The following SLC35D4 variants were observed in gnomAD, a reference collection of about 807,000 sequenced individuals.
SLC35D4 encodes UDP-N-acetylglucosamine transporter SLC35D4.
At chr18:23,373,815 T>C in the SLC35D4 span, 2 of 1,595,130 alleles carry the variant, frequency 1.3e-6, no homozygotes, top group Non-Finnish European at 1.7e-6. Context: ...CATCAAAGGT[T>C]TCCCTAAGAG....
At chr18:23,404,992 CAAAAAAAAAAA>C in the SLC35D4 span, among the ~76,000 whole-genome samples, 3 of 44,498 alleles carry the variant, frequency 6.7e-5, no homozygotes, top group Non-Finnish European at 8.9e-5. Flanking sequence ...GACTCCGTCT[CAAAAAAAAAAA>C]AAAAAAAAAA....
At chr18:23,423,867 C>T in the SLC35D4 span, among the ~76,000 whole-genome samples, 5 of 152,242 alleles carry the variant, frequency 3.3e-5, no homozygotes, top group South Asian at 2.1e-4. Flanking sequence ...ACCCCAGCAC[C>T]GGAGCACTGG....
chr18:23,371,373 G>A, the SLC35D4 span: 1 of 1,443,358 alleles, frequency 6.9e-7, no homozygotes, highest in Admixed American at 2.4e-5. Flanking sequence ...GGGATTCCAG[G>A]TATGAGCCAC....
the SLC35D4 span, among the ~76,000 whole-genome samples, chr18:23,345,481 CAAAAAAAAAAAAAAAAA>C: frequency 3.5e-5 from 2 of 57,272 alleles, no homozygotes; most frequent in African/African-American, 1.4e-4. Flanking sequence ...GACTCCATCT[CAAAAAAAAAAAAAAAAA>C]AAAAAAAAAA....
the SLC35D4 span, among the ~76,000 whole-genome samples, chr18:23,325,334 C>A: frequency 6.6e-6 from 1 of 151,866 alleles, no homozygotes; most frequent in South Asian, 2.1e-4. Flanking sequence ...TCAATTCAGA[C>A]ACAAAATATC....
the SLC35D4 span, among the ~76,000 whole-genome samples, chr18:23,255,148 G>C: frequency 6.6e-6 from 1 of 152,154 alleles, no homozygotes; most frequent in Non-Finnish European, 1.5e-5. Context: ...CCATGGAGGA[G>C]GTGGTGGGAA....
At chr18:23,242,805 T>C in the SLC35D4 span, among the ~76,000 whole-genome samples, 1 of 152,178 alleles carries the variant, frequency 6.6e-6, no homozygotes, top group Non-Finnish European at 1.5e-5. Flanking sequence ...TACCGAATAT[T>C]AAAATCTAAG....
the SLC35D4 span, among the ~76,000 whole-genome samples, chr18:23,276,432 G>GTT: frequency 0.055 from 7,684 of 138,788 alleles, 486 homozygotes; most frequent in Admixed American, 0.2. Context: ...CCAGAATTTT[G>GTT]TTTTTTTTTT....
At chr18:23,321,109 C>T in the SLC35D4 span, among the ~76,000 whole-genome samples, 3 of 152,212 alleles carry the variant, frequency 2.0e-5, no homozygotes, top group African/African-American at 7.2e-5. Flanking sequence ...CTTTAGCCTA[C>T]ACCCAGAATC....
the SLC35D4 span, among the ~76,000 whole-genome samples, chr18:23,404,306 C>T: frequency 6.6e-6 from 1 of 152,150 alleles, no homozygotes; most frequent in Non-Finnish European, 1.5e-5. Flanking sequence ...AGTGATGGTA[C>T]TAGGAGTTGG....
the SLC35D4 span, chr18:23,296,247 AAAAAAAG>A: frequency 6.6e-6 from 1 of 152,108 alleles, no homozygotes; most frequent in Non-Finnish European, 1.5e-5. Flanking sequence ...TATAATAATA[AAAAAAAG>A]AAAAAAGAAG....
At chr18:23,422,861 G>A in the SLC35D4 span, among the ~76,000 whole-genome samples, 15 of 152,250 alleles carry the variant, frequency 9.9e-5, no homozygotes, top group South Asian at 4.1e-4. Flanking sequence ...ATGAGTGAGA[G>A]GGACAGCTGC....
At chr18:23,374,292 A>G in the SLC35D4 span, among the ~76,000 whole-genome samples, 2 of 152,220 alleles carry the variant, frequency 1.3e-5, no homozygotes, top group Non-Finnish European at 2.9e-5. Context: ...GAAGGACACA[A>G]CATCACTTGG....
chr18:23,341,353 G>A, the SLC35D4 span, among the ~76,000 whole-genome samples: 2 of 152,202 alleles, frequency 1.3e-5, no homozygotes, highest in African/African-American at 4.8e-5. Context: ...TGAAAAAGGT[G>A]AGGACCAGAG....
the SLC35D4 span, among the ~76,000 whole-genome samples, chr18:23,417,936 C>T: frequency 3.3e-5 from 5 of 152,158 alleles, no homozygotes; most frequent in Admixed American, 1.3e-4. Flanking sequence ...CAAAGGAATA[C>T]GTTTACCCAT....
At chr18:23,316,595 T>C in the SLC35D4 span, among the ~76,000 whole-genome samples, 1 of 152,210 alleles carries the variant, frequency 6.6e-6, no homozygotes, top group Non-Finnish European at 1.5e-5. Flanking sequence ...TATGAACCAT[T>C]AATCTTGCCA....
the SLC35D4 span, among the ~76,000 whole-genome samples, chr18:23,308,597 T>A: frequency 1.3e-5 from 2 of 152,138 alleles, no homozygotes; most frequent in Non-Finnish European, 2.9e-5. Context: ...TCAGCCATCA[T>A]CATCTTGCAC....
At chr18:23,388,844 A>G in the SLC35D4 span, among the ~76,000 whole-genome samples, 1 of 152,164 alleles carries the variant, frequency 6.6e-6, no homozygotes, top group African/African-American at 2.4e-5. Context: ...CTGCTCCGCC[A>G]TGGTAAGAGG....
At chr18:23,432,979 CA>C in the SLC35D4 span, among the ~76,000 whole-genome samples, 6,270 of 97,346 alleles carry the variant, frequency 0.064, 153 homozygotes, top group East Asian at 0.13. Context: ...GACTCTGTCT[CA>C]AAAAAAAAAA....
Sources: allele counts gnomAD v4.1 joint callset (sites outside exome capture counted in the v4.1 genomes callset), GRCh38; gene constraint gnomAD v4.1.1; transcripts MANE v1.5; gene names NCBI Gene and HGNC (gene_info 2026-07-23, HGNC 2026-07-21).